CDC42BPB: variants seen among roughly 807,000 people sequenced by gnomAD.
The protein encoded by CDC42BPB is CDC42 binding protein kinase beta.
A neutral mutation model predicts 214.9 loss-of-function variants in CDC42BPB; 37 were observed. The ratio of observed to expected loss-of-function variants is 0.17; its 90% confidence interval spans 0.13 to 0.23. The LOEUF (loss-of-function observed/expected upper bound fraction) is 0.23, where lower values mean the gene tolerates loss of function less well. CDC42BPB is among the 10% of genes least tolerant of loss of function. CDC42BPB has a pLI of 1.00. For synonymous variants in CDC42BPB, 931 were observed against 884.0 expected (o/e 1.05, Z -0.94); for missense variants, 1,694 against 2,227.0 (o/e 0.76, Z 4.82).
intron 1 of CDC42BPB, among the ~76,000 whole-genome samples, chr14:103,019,958 C>T (rs1215881010): frequency 1.3e-5 from 2 of 152,202 alleles, no homozygotes; most frequent in African/African-American, 4.8e-5. Flanking sequence ...CTAAAACTGA[C>T]AGAAAACCAT....
In CDC42BPB at chr14:102,970,174, C is replaced by T; in HGVS notation, c.1972G>A (p.Glu658Lys). 2 of 1,613,654 alleles carry T rather than the reference C, an allele frequency of 1.2e-6. No homozygotes were observed. The highest frequency in any genetic ancestry group is 1.7e-6 in the Non-Finnish European group (2 of 1,179,932). The change falls in exon 14 of 37, where the codon GAA becomes AAA. Residue 658 changes from glutamate (E) to lysine (K), a missense_variant. By Grantham distance (56) the Glu-to-Lys change is moderately conservative (BLOSUM62 1). Around this residue, in one of 7 missense-constraint regions of CDC42BPB, gnomAD observed 462 missense variants for 513.5 expected, o/e 0.90. Transcript: ENST00000361246. Reference protein sequence around the residue: ...EHSENFCKQMESELEALKVKQ... With the variant: ...EHSENFCKQMKSELEALKVKQ... ...ACCTTGAGGGCCTCCAGCTCGCTTT[C>T]CATTTGCTTGCAGAAGTTCTCGCTG... is the stretch of plus-strand genomic sequence containing the variant.
At chr14:102,935,867 T>C (rs1475915736) in intron 36 of CDC42BPB, among the ~76,000 whole-genome samples, 1 of 151,590 alleles carries the variant, frequency 6.6e-6, no homozygotes, top group East Asian at 1.9e-4. Context: ...CACAAGAGCC[T>C]GGTACTCAGA....
chr14:102,951,858 T>A (rs1350942856), intron 24 of CDC42BPB, among the ~76,000 whole-genome samples: 1 of 152,196 alleles, frequency 6.6e-6, no homozygotes, highest in East Asian at 1.9e-4. Context: ...ATTGTGGTTA[T>A]CTTTAGATAA....
At chr14:102,951,684 G>A (rs1055074042) in intron 24 of CDC42BPB, among the ~76,000 whole-genome samples, 3 of 152,044 alleles carry the variant, frequency 2.0e-5, no homozygotes, top group African/African-American at 7.2e-5. Context: ...CTACTTGGGC[G>A]GATGAGGCAG....
At chr14:103,018,028 G>A (rs1232002681) in intron 1 of CDC42BPB, among the ~76,000 whole-genome samples, 1 of 152,192 alleles carries the variant, frequency 6.6e-6, no homozygotes, top group Non-Finnish European at 1.5e-5. Context: ...TGGAGGAGGT[G>A]AGGTGATGGT....
chr14:103,051,296 C>G (rs929809348), intron 1 of CDC42BPB, among the ~76,000 whole-genome samples: 3 of 151,792 alleles, frequency 2.0e-5, no homozygotes, highest in African/African-American at 7.3e-5. Context: ...TTAAGGTAAC[C>G]ATAACATACC....
At chr14:102,941,188 C>T in intron 30 of CDC42BPB, 11 of 985,460 alleles carry the variant, frequency 1.1e-5, no homozygotes, top group Non-Finnish European at 1.3e-5. Flanking sequence ...GGCTCCTGGC[C>T]ATCAGCTTGC....
At chr14:103,022,158 G>A (rs1352191204) in intron 1 of CDC42BPB, among the ~76,000 whole-genome samples, 2 of 152,174 alleles carry the variant, frequency 1.3e-5, no homozygotes, top group Non-Finnish European at 2.9e-5. Context: ...GGGAAGAGAA[G>A]CCAGCAGGGT....
At chr14:103,031,447 CA>C (rs1406490272) in intron 1 of CDC42BPB, among the ~76,000 whole-genome samples, 4 of 152,148 alleles carry the variant, frequency 2.6e-5, no homozygotes, top group African/African-American at 2.4e-5. Context: ...TAACATTTTG[CA>C]AAAGGACATC....
At chr14:102,970,372 G>A (rs1449792648) in intron 13 of CDC42BPB, 111 bp from the exon 14 acceptor site, 16 of 1,451,332 alleles carry the variant, frequency 1.1e-5, no homozygotes, top group East Asian at 2.5e-5. Context: ...AGCTCTGCGC[G>A]TGTTCACCCT....
chr14:102,965,681 G>T (rs1893169481), intron 18 of CDC42BPB, among the ~76,000 whole-genome samples: 1 of 152,246 alleles, frequency 6.6e-6, no homozygotes, highest in East Asian at 1.9e-4. Flanking sequence ...GGAAGGCCAG[G>T]TGTGGGGGCT....
In CDC42BPB at chr14:102,974,733, G is replaced by A. The variant is rs34475066; in HGVS notation, c.1508-584C>T. On this transcript the variant is annotated intron_variant, in intron 11 of 36. Coordinates refer to ENST00000361246, the MANE Select transcript of CDC42BPB (RefSeq NM_006035.4). Reference sequence around the variant, plus strand: ...AGCACTTCGGGAGGCCAAGGCAGGCGGATCACGAGGTCAGGAGATCGAGAC... The same window carrying A: ...AGCACTTCGGGAGGCCAAGGCAGGCAGATCACGAGGTCAGGAGATCGAGAC... 2.2e-4 allele frequency among the ~76,000 whole-genome samples: 34 copies of A among 152,154 alleles called. 1 individual carries two copies. The East Asian group carries it at 4.4e-3, about 20-fold the overall frequency.
At chr14:102,948,109 C>A in intron 26 of CDC42BPB, 1 of 224,966 alleles carries the variant, frequency 4.4e-6, no homozygotes, top group Non-Finnish European at 6.4e-6. Context: ...CCAGGCAGTC[C>A]CTCCAACAGC....
At chr14:103,022,816 G>A (rs1886844915) in intron 1 of CDC42BPB, among the ~76,000 whole-genome samples, 2 of 152,110 alleles carry the variant, frequency 1.3e-5, no homozygotes. Context: ...CCAATTCCTT[G>A]AAACGAACAT....
At chr14:102,962,680 T>C (rs1177050546) in intron 20 of CDC42BPB, among the ~76,000 whole-genome samples, 1 of 152,110 alleles carries the variant, frequency 6.6e-6, no homozygotes, top group African/African-American at 2.4e-5. Flanking sequence ...CAAAACCCCA[T>C]CTCTACTAAA....
rs1166780654 is a variant in CDC42BPB, at chr14:102,959,148, T to A, written c.2901+483A>T. On this transcript the variant is annotated intron_variant, in intron 21 of 36. Coordinates refer to ENST00000361246, the MANE Select transcript of CDC42BPB (RefSeq NM_006035.4). ...CCTGTCTCTACTAAAAATACAAAAA[T>A]TAGCCGGGCGTGGTGGTGGGTGCCT... 1.3e-5 allele frequency among the ~76,000 whole-genome samples: 2 copies of A among 151,564 alleles called. 1 individual carries two copies. The highest frequency in any genetic ancestry group is 2.9e-5 in the Non-Finnish European group (2 of 67,846).
intron 30 of CDC42BPB, chr14:102,940,686 G>A: frequency 3.0e-6 from 1 of 333,854 alleles, no homozygotes; most frequent in Admixed American, 4.1e-5. Context: ...TTCAGGTAGG[G>A]GCCGACTGTT....
At chr14:102,984,730 G>T (rs1894157175) in intron 6 of CDC42BPB, among the ~76,000 whole-genome samples, 1 of 152,078 alleles carries the variant, frequency 6.6e-6, no homozygotes, top group South Asian at 2.1e-4. Context: ...GCAGGAACTG[G>T]AGACAACAAC....
At position 103,016,623 on chromosome 14, in the gene CDC42BPB, T is replaced by C. The variant is rs911676490; in HGVS notation, c.176-4435A>G. ...GGAGGACTGATCAGATAAGCAACAT[T>C]CAGGATGATGGGGCTGGGTTCCTCA... On this transcript the variant is annotated intron_variant, in intron 1 of 36. Coordinates refer to ENST00000361246, the MANE Select transcript of CDC42BPB (RefSeq NM_006035.4). 2.6e-5 allele frequency among the ~76,000 whole-genome samples: 4 copies of C among 151,706 alleles called. No homozygotes were observed. In the East Asian group the frequency reaches 5.8e-4, roughly 22 times the overall value.
Sources: gnomAD v4.1 joint callset for allele counts (sites outside exome capture counted in the v4.1 genomes callset) on GRCh38, gnomAD v4.1.1 for gene constraint, gnomAD v4.1.1 regional missense constraint, MANE v1.5 for transcripts, NCBI Gene and HGNC (gene_info 2026-07-23, HGNC 2026-07-21) for gene names.